The following EPHA10 variants were observed in gnomAD, a reference collection of about 807,000 sequenced individuals.
EPHA10 encodes the protein ephrin type-A receptor 10.
EPHA10 carries 120 observed loss-of-function variants against 109.7 expected under a neutral mutation model. The observed-to-expected ratio is 1.09, with a 90% CI of 0.94 to 1.27. The LOEUF (loss-of-function observed/expected upper bound fraction) is 1.27, where lower values mean the gene tolerates loss of function less well. Ranked by LOEUF, EPHA10 falls within the 50% of genes most tolerant of loss-of-function variation. The pLI is 0.00. For synonymous variants in EPHA10, 640 were observed against 618.9 expected (o/e 1.03, Z -0.51); for missense variants, 1,396 against 1,411.1 (o/e 0.99, Z 0.17).
At chr1:37,729,413 T>C (rs532466253) in intron 7 of EPHA10, among the ~76,000 whole-genome samples, 1 of 152,326 alleles carries the variant, frequency 6.6e-6, no homozygotes, top group Non-Finnish European at 1.5e-5. Flanking sequence ...TGGTGACGCA[T>C]AAGCGTTCAC....
intron 14 of EPHA10, 124 bp from the exon 15 acceptor site, chr1:37,719,731 G>GACACAC: frequency 7.5e-7 from 1 of 1,341,618 alleles, no homozygotes; most frequent in Non-Finnish European, 1.0e-6. Flanking sequence ...CACAGACACA[G>GACACAC]ACACACACAC....
Position 37,719,140 on chromosome 1 carries a change from CA to C in EPHA10, c.2756+273del, listed in dbSNP as rs1260865656. 4 of 593,372 alleles carry C rather than the reference CA, an allele frequency of 6.7e-6. No homozygotes were observed. The African/African-American group carries it at 7.4e-5, about 11-fold the overall frequency. 36.8% of individuals were successfully genotyped at this position (593,372 alleles called of 1,614,324 possible). Reference sequence around the variant, plus strand: ...TCACATATTTGATTCATTGGAACTACAAATGTGTTAGGGCTATTACCACATC... The same window carrying C: ...TCACATATTTGATTCATTGGAACTACAATGTGTTAGGGCTATTACCACATC... On this transcript the variant is annotated intron_variant, in intron 15 of 16. Transcript: ENST00000373048.
intron 5 of EPHA10, among the ~76,000 whole-genome samples, chr1:37,736,998 T>G (rs1363669517): frequency 2.6e-5 from 4 of 152,200 alleles, no homozygotes; most frequent in Non-Finnish European, 4.4e-5. Context: ...ATAGAACACT[T>G]AATACTGTTA....
chr1:37,719,981 C>T lies in EPHA10; in HGVS notation c.2490G>A (p.Trp830Ter), dbSNP rs1645761310. 2 of 1,613,986 alleles carry T rather than the reference C, an allele frequency of 1.2e-6. No individual in the cohort carries two copies. The highest frequency in any genetic ancestry group is 1.3e-5 in the African/African-American group (1 of 74,930). ...CCTCCCACATGATGATGCCGAAGCTCCACACGTCACTGGCAGAGCTGAAGT... is the reference window on the plus strand; with the variant it reads ...CCTCCCACATGATGATGCCGAAGCTTCACACGTCACTGGCAGAGCTGAAGT... ...FGHFSSASDV[W>*]SFGIIMWEVM... is the part of the protein sequence containing the mutation. Residue 830 changes from tryptophan to a stop codon, truncating the protein, a stop_gained, in exon 14 of 17, where the codon TGG becomes TGA. Transcript: ENST00000373048. LOFTEE classifies it high-confidence loss of function.
At chr1:37,736,476 CAAAA>C (rs543417433) in intron 5 of EPHA10, among the ~76,000 whole-genome samples, 17 of 57,838 alleles carry the variant, frequency 2.9e-4, no homozygotes, top group Non-Finnish European at 3.6e-4. Flanking sequence ...AATTCTGTCT[CAAAA>C]AAAAAAAAAA....
rs1281357800 is a variant in EPHA10 at position 37,721,353 on chromosome 1, A to C, written c.2146+307T>G. Among the ~76,000 whole-genome samples, 9 of 147,584 alleles carry C rather than the reference A, an allele frequency of 6.1e-5. No individual in the cohort carries two copies. In the East Asian group the frequency reaches 1.4e-3, roughly 23 times the overall value. Reference sequence around the variant, plus strand: ...TGAGGCAGGAGAATGGCATGATCCCAGGAGGCAGAGCTTGCAGTGAGCCGA... The same window carrying C: ...TGAGGCAGGAGAATGGCATGATCCCCGGAGGCAGAGCTTGCAGTGAGCCGA... On this transcript the variant is annotated intron_variant, in intron 11 of 16. Coordinates refer to ENST00000373048, the MANE Select transcript of EPHA10 (RefSeq NM_001099439.2).
chr1:37,763,804 C>T (rs985487632), intron 1 of EPHA10, among the ~76,000 whole-genome samples: 1 of 152,136 alleles, frequency 6.6e-6, no homozygotes, highest in Non-Finnish European at 1.5e-5. Flanking sequence ...GACTGACTCC[C>T]GGGCCTCTGA....
chr1:37,760,196 TAGACTGTG>T, intron 3 of EPHA10: 1 of 853,986 alleles, frequency 1.2e-6, no homozygotes, highest in Non-Finnish European at 1.4e-6. Flanking sequence ...TCTCTCCATC[TAGACTGTG>T]AGCTTCTTGA....
chr1:37,738,103 C>G (rs1044226300), intron 5 of EPHA10: 1 of 152,040 alleles, frequency 6.6e-6, no homozygotes, highest in African/African-American at 2.4e-5. Flanking sequence ...CGCGGTGGCT[C>G]TTGCCTGTAA....
At chr1:37,763,048 G>C (rs1048102355) in intron 1 of EPHA10, among the ~76,000 whole-genome samples, 199 bp from the exon 2 acceptor site, 5 of 152,224 alleles carry the variant, frequency 3.3e-5, no homozygotes, top group African/African-American at 1.2e-4. Context: ...GCCACAGTCA[G>C]TAGGGAAGGA....
At chr1:37,758,576 C>T (rs1045359288) in intron 3 of EPHA10, among the ~76,000 whole-genome samples, 1 of 152,226 alleles carries the variant, frequency 6.6e-6, no homozygotes, top group Non-Finnish European at 1.5e-5. Flanking sequence ...CACCTTCAAT[C>T]TCTCTTGGCT....
Position 37,751,902 on chromosome 1 carries a change from G to A in EPHA10, c.1357+974C>T, listed in dbSNP as rs537659205. ...AAAAAAAAATTATTATCAACAGTAGGTTAAGCAGGTTAAAGAATTATTCTA... is the reference window on the plus strand; with the variant it reads ...AAAAAAAAATTATTATCAACAGTAGATTAAGCAGGTTAAAGAATTATTCTA... On this transcript the variant is annotated intron_variant, in intron 5 of 16. Transcript: ENST00000373048. Among the ~76,000 whole-genome samples, 119 of 152,186 alleles carry A rather than the reference G, an allele frequency of 7.8e-4. 1 individual carries two copies. In the South Asian group the frequency reaches 0.018, roughly 24 times the overall value.
At chr1:37,738,429 C>G (rs1646103266) in intron 5 of EPHA10, among the ~76,000 whole-genome samples, 1 of 152,086 alleles carries the variant, frequency 6.6e-6, no homozygotes, top group African/African-American at 2.4e-5. Flanking sequence ...CATTAATCAT[C>G]AGGGAAATCA....
Position 37,721,828 on chromosome 1 carries a change from A to C in EPHA10, c.1978T>G (p.Cys660Gly), listed in dbSNP as rs1435209910. 1 of 1,603,058 alleles carries C rather than the reference A, an allele frequency of 6.2e-7. No homozygotes were observed. ...SLGGGRFGEL[C>G]CGCLQLPGRQ... is the part of the protein sequence containing the mutation. The stretch of plus-strand genomic sequence containing the variant: ...CCGGGGAGCTGCAAGCAGCCACAGC[A>C]CAGCTCCCCAAACCGCCCTGTGGGG... Residue 660 changes from cysteine (C) to glycine (G), a missense_variant, in exon 11 of 17, where the codon TGC (cysteine) becomes GGC (glycine). Coordinates refer to ENST00000373048, the MANE Select transcript of EPHA10 (RefSeq NM_001099439.2).
intron 5 of EPHA10, among the ~76,000 whole-genome samples, chr1:37,742,910 AC>A (rs1476382247): frequency 3.3e-5 from 5 of 152,078 alleles, no homozygotes; most frequent in Non-Finnish European, 7.4e-5. Flanking sequence ...CGGGAGGATC[AC>A]CTGACCCCAG....
chr1:37,755,774 G>A (rs1646388380), intron 3 of EPHA10, among the ~76,000 whole-genome samples: 1 of 152,140 alleles, frequency 6.6e-6, no homozygotes, highest in Non-Finnish European at 1.5e-5. Flanking sequence ...AGTGGTAACT[G>A]CTAAACACCC....
In EPHA10 at chr1:37,731,481, G is replaced by A. The variant is rs750935415; in HGVS notation, c.1593C>T (p.Ala531=). Residue 531 remains alanine, a synonymous_variant, in exon 7 of 17, where the codon GCC becomes GCT. Transcript: ENST00000373048. The part of the protein sequence containing the change: ...PATRYVFQIR[A]ASPGPSWEAQ... Reference sequence around the variant, plus strand: ...CCTCCCAGGATGGCCCCGGGGAAGCGGCCCGGATCTGAAAGACGTAGCGGG... The same window carrying A: ...CCTCCCAGGATGGCCCCGGGGAAGCAGCCCGGATCTGAAAGACGTAGCGGG... 2.4e-5 allele frequency: 38 copies of A among 1,613,922 alleles called. No homozygotes were observed. The highest frequency in any genetic ancestry group is 1.6e-4 in the East Asian group (7 of 44,874).
chr1:37,761,115 C>T (rs1646426233), intron 3 of EPHA10: 1 of 1,185,146 alleles, frequency 8.4e-7, no homozygotes, highest in African/African-American at 1.6e-5. Flanking sequence ...CAATGACTTC[C>T]TTTATTGCCA....
chr1:37,752,108 C>G (rs1005921900), intron 5 of EPHA10, among the ~76,000 whole-genome samples: 1 of 152,128 alleles, frequency 6.6e-6, no homozygotes, highest in African/African-American at 2.4e-5. Context: ...AGTCAGAAAC[C>G]ATACCACTCG....
Sources: gnomAD v4.1 joint callset for allele counts (sites outside exome capture counted in the v4.1 genomes callset) on GRCh38, gnomAD v4.1.1 for gene constraint, MANE v1.5 for transcripts, NCBI Gene and HGNC (gene_info 2026-07-23, HGNC 2026-07-21) for gene names.